The following SLC30A7 variants were observed in gnomAD, a reference collection of about 807,000 sequenced individuals.
SLC30A7 encodes zinc transporter 7.
SLC30A7 carries 35 observed loss-of-function variants against 46.0 expected under a neutral mutation model. The ratio of observed to expected loss-of-function variants is 0.76; its 90% CI spans 0.58 to 1.01. The LOEUF is 1.01. Among genes scored for constraint, SLC30A7 ranks in the 50% least tolerant of loss-of-function variants. The pLI, the probability that SLC30A7 is intolerant of heterozygous loss-of-function variation, is 0.00. For synonymous variants in SLC30A7, 147 were observed against 157.8 expected, an observed-to-expected ratio of 0.93 and a Z score of 0.51; for missense variants, 464 against 451.1, an observed-to-expected ratio of 1.03 and a Z score of -0.26.
At chr1:100,939,786 T>C (rs1443801117) in intron 8 of SLC30A7, among the ~76,000 whole-genome samples, 6 of 151,616 alleles carry the variant, frequency 4.0e-5, no homozygotes, top group Admixed American at 2.6e-4. Context: ...GAGGTGGAGC[T>C]TGCAGTGAGC....
At chr1:100,911,707 G>C (rs1318609120) in intron 4 of SLC30A7, among the ~76,000 whole-genome samples, 1 of 151,814 alleles carries the variant, frequency 6.6e-6, no homozygotes, top group Non-Finnish European at 1.5e-5. Flanking sequence ...CCACCACCAT[G>C]CCCAGCTAAT....
intron 8 of SLC30A7, among the ~76,000 whole-genome samples, chr1:100,947,060 T>C (rs1654682411): frequency 6.6e-6 from 1 of 152,116 alleles, no homozygotes; most frequent in South Asian, 2.1e-4. Context: ...CTAGATTTTC[T>C]AGTTTATTTG....
chr1:100,933,467 G>A (rs1354366229), intron 8 of SLC30A7, among the ~76,000 whole-genome samples: 1 of 151,502 alleles, frequency 6.6e-6, no homozygotes, highest in Admixed American at 6.6e-5. Flanking sequence ...TGCACAACAT[G>A]CAGGTTTGTT....
At position 100,915,213 on chromosome 1, in the gene SLC30A7, C is replaced by CT. The variant is rs778614912; in HGVS notation, c.655+1410dup. Among the ~76,000 whole-genome samples the CT allele has an allele frequency of 8.5e-3, 934 of 110,006 alleles. 7 individuals carry two copies. The highest frequency in any genetic ancestry group is 0.01 in the Non-Finnish European group (537 of 52,010). The allele number at this position is 110,006 out of a possible 152,430, so 72.2% of individuals were successfully genotyped here. Reference sequence around the variant, plus strand: ...CTTTCTTTTCTTTCTTTCTTTCTTTCTTTCTTTCTTTCTTTCTTTCTTTCT... The same window carrying CT: ...CTTTCTTTTCTTTCTTTCTTTCTTTCTTTTCTTTCTTTCTTTCTTTCTTTCT... On this transcript the variant is annotated intron_variant, in intron 6 of 10. Transcript: ENST00000357650.
At chr1:100,948,978 A>G (rs537849399) in intron 8 of SLC30A7, among the ~76,000 whole-genome samples, 22 of 152,154 alleles carry the variant, frequency 1.4e-4, no homozygotes, top group Non-Finnish European at 2.8e-4. Context: ...GGGTTAGAAC[A>G]TGCTCCTTTA....
At chr1:100,910,929 C>T (rs1373783433) in intron 3 of SLC30A7, 134 bp from the exon 4 acceptor site, 4 of 631,522 alleles carry the variant, frequency 6.3e-6, no homozygotes, top group African/African-American at 5.5e-5. Flanking sequence ...ATGCACTGTA[C>T]TATAAACACT....
chr1:100,934,929 G>A (rs1486540122), intron 8 of SLC30A7, among the ~76,000 whole-genome samples: 1 of 151,962 alleles, frequency 6.6e-6, no homozygotes, highest in Non-Finnish European at 1.5e-5. Context: ...TTGGGAAGTC[G>A]AGGCTGCAGT....
chr1:100,898,561 C>A (rs1651116942), intron 2 of SLC30A7, among the ~76,000 whole-genome samples: 2 of 151,872 alleles, frequency 1.3e-5, no homozygotes, highest in South Asian at 4.2e-4. Context: ...TCATCTCATG[C>A]CTATTTATGT....
intron 8 of SLC30A7, among the ~76,000 whole-genome samples, chr1:100,944,503 A>G (rs1449502438): frequency 5.3e-5 from 8 of 152,054 alleles, no homozygotes; most frequent in East Asian, 1.9e-4. Flanking sequence ...TTTTTTATTT[A>G]TTTATTTTTT....
At chr1:100,916,704 C>CTTTTTTT (rs33980397) in intron 6 of SLC30A7, among the ~76,000 whole-genome samples, 28 of 92,338 alleles carry the variant, frequency 3.0e-4, no homozygotes, top group South Asian at 3.8e-4. Context: ...TTCATTCATT[C>CTTTTTTT]TTTTTTTTTT....
chr1:100,933,647 A>G (rs1012430778), intron 8 of SLC30A7, among the ~76,000 whole-genome samples: 2 of 151,994 alleles, frequency 1.3e-5, no homozygotes, highest in Non-Finnish European at 2.9e-5. Flanking sequence ...GTCCCCACCT[A>G]TGAGTGAGAA....
Position 100,910,962 on chromosome 1 carries a change from A to G in SLC30A7, c.297-101A>G, listed in dbSNP as rs1035023088. On this transcript the variant is annotated intron_variant, in intron 3 of 10. Coordinates refer to ENST00000357650, the MANE Select transcript of SLC30A7 (RefSeq NM_133496.5). ...ACTAGGGCTTCGCTGGCCACTTATA[A>G]CCATGTAATATGGTTTGGAATCTCT... 4.5e-6 allele frequency: 4 copies of G among 893,950 alleles called. No individual in the cohort carries two copies. In the African/African-American group the frequency reaches 5.1e-5, roughly 11 times the overall value. The allele number at this position is 893,950 out of a possible 1,614,324, so 55.4% of individuals were successfully genotyped here. A position where few individuals can be genotyped will look rare whatever the true frequency, so the allele number is the denominator to read the frequency against.
At chr1:100,964,262 A>C (rs1655711451) in intron 9 of SLC30A7, among the ~76,000 whole-genome samples, 1 of 148,536 alleles carries the variant, frequency 6.7e-6, no homozygotes, top group South Asian at 2.1e-4. Context: ...TATACACAAT[A>C]TATGTTATAT....
intron 2 of SLC30A7, among the ~76,000 whole-genome samples, chr1:100,904,393 C>A (rs1651507901): frequency 1.3e-5 from 2 of 152,126 alleles, no homozygotes; most frequent in African/African-American, 4.8e-5. Flanking sequence ...CACTTCTCTA[C>A]CAAATTCCCC....
chr1:100,905,777 T>G (rs1049823904), intron 2 of SLC30A7, among the ~76,000 whole-genome samples: 1 of 152,222 alleles, frequency 6.6e-6, no homozygotes, highest in Non-Finnish European at 1.5e-5. Flanking sequence ...GCAGAAATTA[T>G]TCATTTGTTA....
Position 100,896,105 on chromosome 1 carries a change from C to T in SLC30A7, c.-158C>T. 1.5e-6 allele frequency: 1 copy of T among 660,444 alleles called. No individual in the cohort carries two copies. The highest frequency in any genetic ancestry group is 2.7e-6 in the Non-Finnish European group (1 of 370,228). The allele number at this position is 660,444 out of a possible 1,614,324, so 40.9% of individuals were successfully genotyped here. On this transcript the variant is annotated 5_prime_UTR_variant, in exon 1 of 11. Coordinates refer to ENST00000357650, the MANE Select transcript of SLC30A7 (RefSeq NM_133496.5). Reference sequence around the variant, plus strand: ...GGCCCGGGCCGGAAGTAAGCGAATTCCCGGGTGTGTGTCTGTGTCTGTCTG... The same window carrying T: ...GGCCCGGGCCGGAAGTAAGCGAATTTCCGGGTGTGTGTCTGTGTCTGTCTG...
chr1:100,993,994 G>C, the SLC30A7 span, among the ~76,000 whole-genome samples: 1,001 of 151,736 alleles, frequency 6.6e-3, 9 homozygotes, highest in African/African-American at 0.022. Context: ...CACCTGCCTC[G>C]GCCTCCCAAA....
chr1:100,900,119 G>T (rs147506547), intron 2 of SLC30A7, among the ~76,000 whole-genome samples: 4 of 152,100 alleles, frequency 2.6e-5, no homozygotes, highest in South Asian at 2.1e-4. Context: ...AGCACCTATT[G>T]TCCAAGTTTG....
In SLC30A7 at chr1:100,978,235, GA is replaced by G. The variant is rs1656679803; in HGVS notation, c.*3382del. On this transcript the variant is annotated 3_prime_UTR_variant, in exon 11 of 11. Transcript: ENST00000357650. ...ATATCTGGAATTTGTCAGCATTCCT[GA>G]AAACCTACACGTGTATATCAGTAAC... is the stretch of plus-strand genomic sequence containing the variant. 3 of 152,268 alleles carry G rather than the reference GA, an allele frequency of 2.0e-5. No homozygotes were observed. In the South Asian group the frequency reaches 6.2e-4, roughly 32 times the overall value. The allele number at this position is 152,268 out of a possible 1,614,324, so 9.4% of individuals were successfully genotyped here.
Sources: gnomAD v4.1 joint callset for allele counts (sites outside exome capture counted in the v4.1 genomes callset) on GRCh38, gnomAD v4.1.1 for gene constraint, MANE v1.5 for transcripts, NCBI Gene and HGNC (gene_info 2026-07-23, HGNC 2026-07-21) for gene names.